Variants in PNPLA7 observed in about 807,000 individuals in gnomAD.
PNPLA7 encodes patatin like domain 7, lysophospholipase.
Under a neutral mutation model 161.7 loss-of-function variants are expected in PNPLA7, and 153 were observed. That is an observed-to-expected ratio of 0.95 (90% confidence interval 0.83 to 1.08). The LOEUF is 1.08. Among genes scored for constraint, PNPLA7 ranks in the 50% least tolerant of loss-of-function variants. The pLI, the probability that PNPLA7 is intolerant of heterozygous loss-of-function variation, is 0.00. For synonymous variants in PNPLA7, 809 were observed against 782.1 expected, an observed-to-expected ratio of 1.03 and a Z score of -0.57; for missense variants, 1,739 against 1,856.6, an observed-to-expected ratio of 0.94 and a Z score of 1.16.
At position 137,476,259 on chromosome 9, in the gene PNPLA7, A is replaced by G. The variant is rs1831939993; in HGVS notation, c.2882+1775T>C. Reference sequence around the variant, plus strand: ...AAATTAAGGATACCCAGAAAACTGAACAAATGTGACAATTATTAACTCCAA... The same window carrying G: ...AAATTAAGGATACCCAGAAAACTGAGCAAATGTGACAATTATTAACTCCAA... On this transcript the variant is annotated intron_variant, in intron 25 of 34. Transcript: ENST00000406427. This position sits in a 1 kb window ranked among gnomAD's most constrained non-coding sequence, Gnocchi z 4.5. Among the ~76,000 whole-genome samples the G allele has an allele frequency of 6.6e-6, 1 of 152,196 alleles. No individual in the cohort carries two copies. Among genetic ancestry groups the G allele is most frequent in the African/African-American group, 2.4e-5 (1 of 41,446 alleles).
At chr9:137,464,489 C>T in intron 26 of PNPLA7, 33 bp from the exon 27 acceptor site, 3 of 1,588,020 alleles carry the variant, frequency 1.9e-6, no homozygotes, top group Non-Finnish European at 2.6e-6. Context: ...CAGAAGGCTT[C>T]CACCCTCCCT....
At chr9:137,494,178 G>A (rs1345052859) in intron 19 of PNPLA7, among the ~76,000 whole-genome samples, 1 of 152,142 alleles carries the variant, frequency 6.6e-6, no homozygotes, top group Non-Finnish European at 1.5e-5. Flanking sequence ...AACAACTGCA[G>A]ACCTGCCCTT....
At position 137,462,232 on chromosome 9, in the gene PNPLA7, G is replaced by T; in HGVS notation, c.3592C>A (p.Pro1198Thr). ...KSSDYCEYLR[P>T]PIDSYSTLDF... ...AGGGTGCTGTAGCTGTCGATGGGGG[G>T]GCGCAGGTACTCGCAGTAGTCACTG... Residue 1198 changes from proline to threonine, a missense_variant, in exon 31 of 35, where the codon CCC (proline) becomes ACC (threonine). Around this residue, in one of 6 missense-constraint regions of PNPLA7, gnomAD observed 703 missense variants for 694.6 expected, o/e 1.01. Transcript: ENST00000406427. 2.5e-6 allele frequency: 4 copies of T among 1,607,738 alleles called. No homozygotes were observed. The highest frequency in any genetic ancestry group is 1.1e-5 in the South Asian group (1 of 90,468).
At chr9:137,507,159 C>A (rs1353788608) in intron 12 of PNPLA7, among the ~76,000 whole-genome samples, 1 of 152,254 alleles carries the variant, frequency 6.6e-6, no homozygotes. Flanking sequence ...CACCCTTCAG[C>A]CCGGTGCACT....
At position 137,536,420 on chromosome 9, in the gene PNPLA7, C is replaced by G. The variant is rs529224695; in HGVS notation, c.747+4222G>C. On this transcript the variant is annotated intron_variant, in intron 8 of 34. Transcript: ENST00000406427. ...CCGACTGGGCAAGAGGATGGGGGCT[C>G]CTAGCAGGGGCGCTTCCCAGAGCAA... 1.5e-3 allele frequency among the ~76,000 whole-genome samples: 221 copies of G among 152,068 alleles called. 1 individual carries two copies. Among genetic ancestry groups the G allele is most frequent in the Non-Finnish European group, 2.1e-3 (144 of 67,964 alleles).
intron 21 of PNPLA7, among the ~76,000 whole-genome samples, chr9:137,482,657 AC>A (rs1198184698): frequency 6.6e-6 from 1 of 152,154 alleles, no homozygotes; most frequent in African/African-American, 2.4e-5. Flanking sequence ...CAGAAACGGC[AC>A]CCACACCACA....
Position 137,535,959 on chromosome 9 carries a change from T to C in PNPLA7, c.747+4683A>G, listed in dbSNP as rs368209629. 4.9e-4 allele frequency among the ~76,000 whole-genome samples: 74 copies of C among 151,942 alleles called. No homozygotes were observed. In the East Asian group the frequency reaches 0.013, roughly 28 times the overall value. On this transcript the variant is annotated intron_variant, in intron 8 of 34. Transcript: ENST00000406427. ...CGAGGTCAGGAGATCGAGACCATCC[T>C]GGCTAACATGGTGAAACCCCGTCTC...
In PNPLA7 at chr9:137,479,100, A is replaced by G. The variant is rs1311898267; in HGVS notation, c.2719T>C (p.Cys907Arg). Reference protein sequence around the residue: ...RSWCSGHLHLCCPRRVFSRRS... With the variant: ...RSWCSGHLHLRCPRRVFSRRS... ...CTGGAGAAGACGCGGCGCGGGCAGCAGAGGTGCAGGTGGCCGGAGCACCAG... is the reference window on the plus strand; with the variant it reads ...CTGGAGAAGACGCGGCGCGGGCAGCGGAGGTGCAGGTGGCCGGAGCACCAG... The change falls in exon 24 of 35, where the codon TGC becomes CGC. Residue 907 changes from cysteine (C) to arginine (R), a missense_variant. Transcript: ENST00000406427. 2 of 1,600,288 alleles carry G rather than the reference A, an allele frequency of 1.2e-6. No homozygotes were observed. Among genetic ancestry groups the G allele is most frequent in the South Asian group, 2.2e-5 (2 of 89,104 alleles).
At chr9:137,534,744 C>A (rs1440451857) in intron 8 of PNPLA7, among the ~76,000 whole-genome samples, 3 of 152,098 alleles carry the variant, frequency 2.0e-5, no homozygotes, top group Non-Finnish European at 1.5e-5. Flanking sequence ...TGTAGTTAAC[C>A]CATGTAACTC....
chr9:137,546,779 G>A (rs568562748), intron 4 of PNPLA7, 51 bp downstream of exon 4: 3 of 1,571,580 alleles, frequency 1.9e-6, no homozygotes, highest in South Asian at 2.2e-5. Flanking sequence ...CCTCCCACAG[G>A]GGCCTGCTCG....
chr9:137,521,756 G>C, intron 9 of PNPLA7, 40 bp from the exon 10 acceptor site: 1 of 1,579,478 alleles, frequency 6.3e-7, no homozygotes, highest in Non-Finnish European at 8.6e-7. Context: ...CACCGGCCTG[G>C]GGTACAGGGC....
At position 137,550,325 on chromosome 9, in the gene PNPLA7, T is replaced by C. The variant is rs1836782985; in HGVS notation, c.-128A>G. The stretch of plus-strand genomic sequence containing the variant: ...GGGTTCCTTTCAAGTCAAATTATGT[T>C]TCACTGAAAGGAAAATCCTGCTGAA... On this transcript the variant is annotated 5_prime_UTR_variant, in exon 1 of 35. Coordinates refer to ENST00000406427, the MANE Select transcript of PNPLA7 (RefSeq NM_001098537.3). The C allele has an allele frequency of 2.0e-6, 2 of 1,025,264 alleles. No homozygotes were observed. The allele number at this position is 1,025,264 out of a possible 1,614,324, so 63.5% of individuals were successfully genotyped here.
rs1836621170 is a variant in PNPLA7, at chr9:137,547,788, G to C, written c.31-129C>G. Reference sequence around the variant, plus strand: ...GCCCTGGAGACTTCTGGGAAGAAGTGATCTCGCCCGGGGTGCCGGGGTCCT... The same window carrying C: ...GCCCTGGAGACTTCTGGGAAGAAGTCATCTCGCCCGGGGTGCCGGGGTCCT... On this transcript the variant is annotated intron_variant, in intron 1 of 34. Coordinates refer to ENST00000406427, the MANE Select transcript of PNPLA7 (RefSeq NM_001098537.3). The surrounding 1 kb of genome is among the most constrained non-coding windows in gnomAD (Gnocchi z 4.6). 4 of 887,748 alleles carry C rather than the reference G, an allele frequency of 4.5e-6. No individual in the cohort carries two copies. The highest frequency in any genetic ancestry group is 7.2e-6 in the Non-Finnish European group (4 of 551,942). The allele number at this position is 887,748 out of a possible 1,614,324, so 55.0% of individuals were successfully genotyped here.
chr9:137,530,057 C>T (rs141127751), intron 8 of PNPLA7, among the ~76,000 whole-genome samples: 10 of 151,950 alleles, frequency 6.6e-5, no homozygotes, highest in African/African-American at 9.7e-5. Flanking sequence ...TTCTGCCTCC[C>T]GGGTTCAAGC....
In PNPLA7 at chr9:137,542,762, A is replaced by C. The variant is rs1224726895; in HGVS notation, c.546T>G (p.Leu182=). ...GHFEKPLFLE[L]CKHIVFVQLQ... is the part of the protein sequence containing the mutation. ...GCTGCACAAAGACGATGTGTTTGCA[A>C]AGCTCCAGGAACAGCGGCTTCTCAA... Residue 182 remains leucine (L), a synonymous_variant, in exon 7 of 35, where the codon CTT becomes CTG. Coordinates refer to ENST00000406427, the MANE Select transcript of PNPLA7 (RefSeq NM_001098537.3). 1 of 1,613,760 alleles carries C rather than the reference A, an allele frequency of 6.2e-7. No homozygotes were observed. The highest frequency in any genetic ancestry group is 1.1e-5 in the South Asian group (1 of 91,066).
intron 8 of PNPLA7, among the ~76,000 whole-genome samples, chr9:137,529,656 G>GTTTT (rs542511786): frequency 3.4e-5 from 4 of 119,132 alleles, no homozygotes; most frequent in Non-Finnish European, 5.2e-5. Context: ...TTGAATCTTT[G>GTTTT]TTTTTTTTTT....
chr9:137,523,122 C>T lies in PNPLA7; in HGVS notation c.748-265G>A, dbSNP rs1465979089. On this transcript the variant is annotated intron_variant, in intron 8 of 34. Coordinates refer to ENST00000406427, the MANE Select transcript of PNPLA7 (RefSeq NM_001098537.3). The surrounding 1 kb of genome is among the most constrained non-coding windows in gnomAD (Gnocchi z 4.4). ...CCCGCAGGCAGCCACCCCACCAGAC[C>T]TGGGCACTCACCATGGGGAGTTCCA... Among the ~76,000 whole-genome samples, 1 of 152,202 alleles carries T rather than the reference C, an allele frequency of 6.6e-6. No individual in the cohort carries two copies. Among genetic ancestry groups the T allele is most frequent in the Non-Finnish European group, 1.5e-5 (1 of 68,038 alleles).
chr9:137,502,235 G>A (rs571835525), intron 14 of PNPLA7, among the ~76,000 whole-genome samples: 1 of 152,214 alleles, frequency 6.6e-6, no homozygotes, highest in Admixed American at 6.5e-5. Flanking sequence ...AGGCCCTGGG[G>A]CAAACCAAGG....
Position 137,522,810 on chromosome 9 carries a change from C to G in PNPLA7, c.795G>C (p.Pro265=). The change falls in exon 9 of 35, where the codon CCG becomes CCC. Residue 265 remains proline, a synonymous_variant. Transcript: ENST00000406427. Reference sequence around the variant, plus strand: ...CAGCTGGAAGCCGGAGGATGGTGGACGGGATGGCCGCGCGGACGGAGACCG... The same window carrying G: ...CAGCTGGAAGCCGGAGGATGGTGGAGGGGATGGCCGCGCGGACGGAGACCG... ...YKTVSVRAAI[P]STILRLPAAA... The G allele has an allele frequency of 1.2e-6, 2 of 1,613,768 alleles. No homozygotes were observed. Among genetic ancestry groups the G allele is most frequent in the Non-Finnish European group, 1.7e-6 (2 of 1,179,966 alleles).
Sources: allele counts gnomAD v4.1 joint callset (sites outside exome capture counted in the v4.1 genomes callset), GRCh38; gene constraint gnomAD v4.1.1; regional missense constraint gnomAD v4.1.1; non-coding constraint Gnocchi (gnomAD v3.1); transcripts MANE v1.5; gene names NCBI Gene and HGNC (gene_info 2026-07-23, HGNC 2026-07-21).